WWOX: variants seen among roughly 807,000 people sequenced by gnomAD.
The protein encoded by WWOX is WW domain-containing oxidoreductase.
In WWOX, 69 loss-of-function variants were observed where a neutral mutation model predicts 46.2. That is an observed-to-expected ratio of 1.49 (90% CI 1.23 to 1.82). The LOEUF (loss-of-function observed/expected upper bound fraction) is 1.82, where lower values mean the gene tolerates loss of function less well. Among genes scored for constraint, WWOX ranks in the 40% most tolerant of loss-of-function variants. The pLI, the probability that WWOX is intolerant of heterozygous loss-of-function variation, is 0.00. For synonymous variants in WWOX, 359 were observed against 202.6 expected (o/e 1.77, Z -6.56); for missense variants, 919 against 542.6 (o/e 1.69, Z -6.89).
intron 8 of WWOX, among the ~76,000 whole-genome samples, chr16:78,533,371 A>G (rs2151515737): frequency 6.6e-6 from 1 of 152,106 alleles, no homozygotes; most frequent in South Asian, 2.1e-4. Context: ...AAGAAAAAGA[A>G]TTGTCTTTGG....
chr16:78,627,312 G>A (rs1422191937), intron 8 of WWOX, among the ~76,000 whole-genome samples: 1 of 152,116 alleles, frequency 6.6e-6, no homozygotes. Context: ...AGTCCCAAAG[G>A]GAGGCCATCA....
At chr16:79,084,013 A>G (rs1456087990) in intron 8 of WWOX, among the ~76,000 whole-genome samples, 3 of 152,098 alleles carry the variant, frequency 2.0e-5, no homozygotes, top group Non-Finnish European at 4.4e-5. Flanking sequence ...GTTTTGGTTA[A>G]CCACTCGCAT....
At chr16:78,351,650 A>G (rs989129263) in intron 5 of WWOX, among the ~76,000 whole-genome samples, 1 of 152,022 alleles carries the variant, frequency 6.6e-6, no homozygotes, top group African/African-American at 2.4e-5. Context: ...CTGCGTGGCT[A>G]TGCATGTGTT....
intron 8 of WWOX, among the ~76,000 whole-genome samples, chr16:78,718,859 C>A (rs986335996): frequency 6.6e-6 from 1 of 151,984 alleles, no homozygotes; most frequent in African/African-American, 2.4e-5. Flanking sequence ...ATGGATGTGA[C>A]TGAGGAGGTA....
rs376070128 is a variant in WWOX at position 78,706,624 on chromosome 16, T to G, written c.1056+273872T>G. 1.5e-4 allele frequency among the ~76,000 whole-genome samples: 23 copies of G among 152,296 alleles called. 1 individual carries two copies. The highest frequency in any genetic ancestry group is 5.1e-4 in the African/African-American group (21 of 41,560). On this transcript the variant is annotated intron_variant, in intron 8 of 8. Coordinates refer to ENST00000566780, the MANE Select transcript of WWOX (RefSeq NM_016373.4). ...GGTAATTGGTCCCAAGAAAATAGTT[T>G]TTTTCCAATTATGGCAACATTGAAA... is the stretch of plus-strand genomic sequence containing the variant.
chr16:78,394,970 A>G (rs548167512), intron 6 of WWOX, among the ~76,000 whole-genome samples: 3 of 152,124 alleles, frequency 2.0e-5, no homozygotes, highest in African/African-American at 7.2e-5. Flanking sequence ...TGTAATGTGT[A>G]TTTTCACAGT....
intron 8 of WWOX, among the ~76,000 whole-genome samples, chr16:78,469,354 C>G (rs1309261988): frequency 2.6e-5 from 4 of 152,124 alleles, no homozygotes; most frequent in Admixed American, 2.6e-4. Context: ...CTATAAGTTA[C>G]AAAGGCAGAC....
intron 8 of WWOX, among the ~76,000 whole-genome samples, chr16:78,603,952 G>A (rs994606493): frequency 6.6e-6 from 1 of 151,792 alleles, no homozygotes; most frequent in Non-Finnish European, 1.5e-5. Context: ...GATCAGCCTG[G>A]GTAACATAGG....
intron 4 of WWOX, among the ~76,000 whole-genome samples, chr16:78,118,244 G>C (rs1192001173): frequency 6.6e-6 from 1 of 151,908 alleles, no homozygotes; most frequent in Non-Finnish European, 1.5e-5. Flanking sequence ...ATACGGAGCT[G>C]TATTTTGAGT....
intron 5 of WWOX, among the ~76,000 whole-genome samples, chr16:78,383,527 G>T (rs970386979): frequency 6.6e-6 from 1 of 152,118 alleles, no homozygotes; most frequent in Non-Finnish European, 1.5e-5. Context: ...ACAATCAGCA[G>T]TTCACCTCTC....
At chr16:79,183,790 C>G (rs1160876419) in intron 8 of WWOX, among the ~76,000 whole-genome samples, 1 of 152,132 alleles carries the variant, frequency 6.6e-6, no homozygotes, top group Admixed American at 6.5e-5. Flanking sequence ...GCCCTAGGTC[C>G]CAGAGCTGGA....
At chr16:78,744,151 G>C (rs560311196) in intron 8 of WWOX, among the ~76,000 whole-genome samples, 1 of 152,246 alleles carries the variant, frequency 6.6e-6, no homozygotes, top group East Asian at 1.9e-4. Flanking sequence ...ACAGGCATTT[G>C]ATACAGATCA....
chr16:78,629,538 C>G (rs1271607298), intron 8 of WWOX, among the ~76,000 whole-genome samples: 1 of 152,202 alleles, frequency 6.6e-6, no homozygotes, highest in East Asian at 1.9e-4. Context: ...CACCATATCC[C>G]TTAGGATAAA....
At chr16:78,245,557 G>A (rs1451482248) in intron 5 of WWOX, among the ~76,000 whole-genome samples, 1 of 152,186 alleles carries the variant, frequency 6.6e-6, no homozygotes, top group African/African-American at 2.4e-5. Context: ...GATTTGAAAT[G>A]TTGAGATACG....
intron 8 of WWOX, among the ~76,000 whole-genome samples, chr16:78,447,306 T>C (rs72799915): frequency 0.053 from 8,119 of 152,288 alleles, 310 homozygotes; most frequent in South Asian, 0.15. Context: ...TAATAAATTT[T>C]TTCTTATGCA....
At chr16:78,270,652 C>G (rs1438853775) in intron 5 of WWOX, 1 of 152,210 alleles carries the variant, frequency 6.6e-6, no homozygotes, top group Admixed American at 6.5e-5. Context: ...TTCCTCAAAA[C>G]TTGGTAGCTA....
intron 8 of WWOX, among the ~76,000 whole-genome samples, chr16:78,851,197 A>G (rs1321685786): frequency 6.6e-6 from 1 of 152,186 alleles, no homozygotes; most frequent in African/African-American, 2.4e-5. Context: ...CACTAAGAGT[A>G]GGTCTTTCTG....
chr16:78,393,504 A>T (rs924415584), intron 6 of WWOX, among the ~76,000 whole-genome samples: 4 of 152,194 alleles, frequency 2.6e-5, no homozygotes, highest in Non-Finnish European at 5.9e-5. Flanking sequence ...ATATTACAAA[A>T]TTTTTTAAAA....
chr16:79,146,405 T>C lies in WWOX; in HGVS notation c.1057-65203T>C, dbSNP rs187332235. Among the ~76,000 whole-genome samples the C allele has an allele frequency of 2.6e-5, 4 of 152,284 alleles. No individual in the cohort carries two copies. The East Asian group carries it at 7.7e-4, about 29-fold the overall frequency. The stretch of plus-strand genomic sequence containing the variant: ...AGACTTTTCCTCCAGAACTGGCTTA[T>C]ATCATCCTGTGTTGCTGCATCCGAT... On this transcript the variant is annotated intron_variant, in intron 8 of 8. Transcript: ENST00000566780.
Sources: allele counts gnomAD v4.1 joint callset (sites outside exome capture counted in the v4.1 genomes callset), GRCh38; gene constraint gnomAD v4.1.1; transcripts MANE v1.5; gene names NCBI Gene and HGNC (gene_info 2026-07-23, HGNC 2026-07-21).